The following DENND6B variants were observed in gnomAD, a reference collection of about 807,000 sequenced individuals.
DENND6B encodes protein DENND6B.
Under a neutral mutation model 85.1 loss-of-function variants are expected in DENND6B, and 73 were observed. The observed-to-expected ratio is 0.86, with a 90% CI of 0.71 to 1.04. DENND6B has a LOEUF of 1.04. DENND6B is among the 50% of genes least tolerant of loss of function. DENND6B has a pLI of 0.00. For missense variants in DENND6B, 715 were observed against 785.8 expected (o/e 0.91, Z 1.08); for synonymous variants, 357 against 329.3 (o/e 1.08, Z -0.91).
intron 8 of DENND6B, 90 bp downstream of exon 8, chr22:50,315,935 G>A (rs559972842): frequency 6.3e-7 from 1 of 1,595,414 alleles, no homozygotes; most frequent in African/African-American, 1.3e-5. Flanking sequence ...GGTGAACCAA[G>A]GAAGCAGGTG....
Position 50,319,271 on chromosome 22 carries a change from C to T in DENND6B, c.178-268G>A, listed in dbSNP as rs184612018. The T allele has an allele frequency of 8.8e-4, 864 of 985,366 alleles. 7 individuals carry two copies. In the African/African-American group the frequency reaches 0.014, roughly 16 times the overall value. 61.0% of individuals were successfully genotyped at this position (985,366 alleles called of 1,614,324 possible). On this transcript the variant is annotated intron_variant, in intron 1 of 19. Transcript: ENST00000413817. The stretch of plus-strand genomic sequence containing the variant: ...TGTGATGTCTGGCTCCTTGCTGACC[C>T]GCTCCTATCTCTGACCTCCAGGCAC...
At chr22:50,323,168 GT>G (rs377210807) in intron 1 of DENND6B, among the ~76,000 whole-genome samples, 2 of 148,152 alleles carry the variant, frequency 1.3e-5, no homozygotes, top group African/African-American at 5.0e-5. Context: ...CGCCCGGCTT[GT>G]TTTTTGTTTT....
At chr22:50,316,610 A>G in intron 5 of DENND6B, 135 bp from the exon 6 acceptor site, 1 of 1,538,156 alleles carries the variant, frequency 6.5e-7, no homozygotes, top group Non-Finnish European at 8.8e-7. Flanking sequence ...TTCACAGGAC[A>G]GCTGCCCCAG....
chr22:50,316,806 G>C, intron 5 of DENND6B: 1 of 1,234,452 alleles, frequency 8.1e-7, no homozygotes, highest in Non-Finnish European at 1.0e-6. Context: ...TCCAGGCTGG[G>C]TTGCCCTGAC....
intron 1 of DENND6B, among the ~76,000 whole-genome samples, chr22:50,323,503 C>A (rs1366356198): frequency 6.6e-6 from 1 of 151,830 alleles, no homozygotes; most frequent in Non-Finnish European, 1.5e-5. Flanking sequence ...CCAGGCTGGT[C>A]TCAAACTTCT....
Position 50,313,731 on chromosome 22 carries a change from G to T in DENND6B, c.1204-7C>A. On this transcript the variant is annotated splice_polypyrimidine_tract_variant and splice_region_variant and intron_variant, in intron 14 of 19. Transcript: ENST00000413817. ...GCCGCTTCTTCTGCACGCCCTGCAG[G>T]GGAGAGAGGGCCAGGCCCTTGCTGC... The T allele has an allele frequency of 6.2e-7, 1 of 1,604,330 alleles. No individual in the cohort carries two copies.
At position 50,314,806 on chromosome 22, in the gene DENND6B, A is replaced by C; in HGVS notation, c.874T>G (p.Leu292Val). Reference protein sequence around the residue: ...PDVSSEMVLALTSCLQPLRFC... With the variant: ...PDVSSEMVLAVTSCLQPLRFC... ...ACCGGGCCAAGGCGATACCTGGTCAAGGCCAGCACCATCTCCGAGGACACG... is the reference window on the plus strand; with the variant it reads ...ACCGGGCCAAGGCGATACCTGGTCACGGCCAGCACCATCTCCGAGGACACG... The change falls in exon 10 of 20, where the codon TTG becomes GTG. Residue 292 changes from leucine to valine, a missense_variant. Leu to Val is a conservative substitution (Grantham distance 32). Transcript: ENST00000413817. 1 of 1,607,058 alleles carries C rather than the reference A, an allele frequency of 6.2e-7. No individual in the cohort carries two copies. Among genetic ancestry groups the C allele is most frequent in the Non-Finnish European group, 8.5e-7 (1 of 1,177,332 alleles).
In DENND6B at chr22:50,313,619, C is replaced by T. The variant is rs1041664360; in HGVS notation, c.1293+16G>A. The T allele has an allele frequency of 2.4e-5, 38 of 1,554,420 alleles. No homozygotes were observed. The highest frequency in any genetic ancestry group is 3.0e-5 in the Non-Finnish European group (35 of 1,152,508). On this transcript the variant is annotated intron_variant, in intron 15 of 19. Coordinates refer to ENST00000413817, the MANE Select transcript of DENND6B (RefSeq NM_001001794.4). ...CCGTGCCCCCCAGTCCCATGTCCCC[C>T]AGCCCCGGGCCTCACCAGGGGGATG...
chr22:50,325,087 G>A (rs2042155255), intron 1 of DENND6B, among the ~76,000 whole-genome samples: 2 of 152,124 alleles, frequency 1.3e-5, no homozygotes, highest in African/African-American at 4.8e-5. Context: ...GGCCCCGGTG[G>A]ATCCACTGCC....
Position 50,315,157 on chromosome 22 carries a change from A to C in DENND6B, c.759-236T>G, listed in dbSNP as rs939482120. On this transcript the variant is annotated intron_variant, in intron 9 of 19. Transcript: ENST00000413817. ...GGAATGGGGGACTCAACCTGGACCCACCTGTGAGGGACCAGCCATCCCGAA... is the reference window on the plus strand; with the variant it reads ...GGAATGGGGGACTCAACCTGGACCCCCCTGTGAGGGACCAGCCATCCCGAA... 6.9e-6 allele frequency: 4 copies of C among 582,954 alleles called. No homozygotes were observed. In the Admixed American group the frequency reaches 9.8e-5, roughly 14 times the overall value. 36.1% of individuals were successfully genotyped at this position (582,954 alleles called of 1,614,324 possible).
intron 4 of DENND6B, among the ~76,000 whole-genome samples, chr22:50,317,690 A>G (rs182856416): frequency 1.3e-5 from 2 of 152,254 alleles, no homozygotes; most frequent in Admixed American, 6.5e-5. Context: ...TGTGGTGCCA[A>G]GGAAAAGTCC....
At chr22:50,316,742 T>C (rs2041833528) in intron 5 of DENND6B, 2 of 1,398,042 alleles carry the variant, frequency 1.4e-6, no homozygotes, top group South Asian at 2.4e-5. Context: ...GTGGCCAGAA[T>C]TTCTAGAACG....
chr22:50,317,460 G>A, intron 4 of DENND6B, 87 bp from the exon 5 acceptor site: 1 of 1,434,252 alleles, frequency 7.0e-7, no homozygotes, highest in South Asian at 1.2e-5. Flanking sequence ...AGCATGCAGG[G>A]ACTGCTGCAG....
intron 15 of DENND6B, 48 bp from the exon 16 acceptor site, chr22:50,313,547 G>GCCCCCCCCCC: frequency 7.0e-7 from 1 of 1,423,534 alleles, no homozygotes; most frequent in Non-Finnish European, 9.3e-7. Context: ...ATGCCCCCCA[G>GCCCCCCCCCC]CCCCATCCCC....
rs540800615 is a variant in DENND6B at position 50,314,388 on chromosome 22, C to A, written c.1072+12G>T. ...CTGAGCAGCACCCCCTGCACCTCAC[C>A]GGGAGCCTGACCTGACATCTTGGGC... On this transcript the variant is annotated intron_variant, in intron 12 of 19. Transcript: ENST00000413817. 6.4e-6 allele frequency: 10 copies of A among 1,563,242 alleles called. No individual in the cohort carries two copies. The East Asian group carries it at 2.4e-4, about 37-fold the overall frequency.
At chr22:50,326,786 C>T (rs751632759) in intron 1 of DENND6B, 26 bp downstream of exon 1, 82 of 1,364,858 alleles carry the variant, frequency 6.0e-5, no homozygotes, top group African/African-American at 3.1e-5. Flanking sequence ...GCCCACCCGC[C>T]CGCGCCCGCG....
In DENND6B at chr22:50,313,099, G is replaced by T. The variant is rs200103246; in HGVS notation, c.1357C>A (p.Gln453Lys). The change falls in exon 17 of 20, where the codon CAG (glutamine) becomes AAG (lysine). Residue 453 changes from glutamine to lysine, a missense_variant. Physicochemically the swap from Gln to Lys is moderately conservative, Grantham distance 53. Transcript: ENST00000413817. Reference protein sequence around the residue: ...KSITPWKTPPQIQPFSQDDFL... With the variant: ...KSITPWKTPPKIQPFSQDDFL... ...TCATCCTGGCTGAAGGGCTGGATCT[G>T]GGGGGGAGTCTGAGAGGGGATGGGT... 129 of 1,553,892 alleles carry T rather than the reference G, an allele frequency of 8.3e-5. No individual in the cohort carries two copies. The highest frequency in any genetic ancestry group is 2.1e-4 in the Admixed American group (11 of 51,444).
chr22:50,322,353 C>T (rs752905463), intron 1 of DENND6B, among the ~76,000 whole-genome samples: 2 of 152,126 alleles, frequency 1.3e-5, no homozygotes, highest in African/African-American at 4.8e-5. Context: ...GGATTACAGG[C>T]GTGAGCCACC....
chr22:50,317,757 C>T, intron 4 of DENND6B, 151 bp downstream of exon 4: 1 of 768,678 alleles, frequency 1.3e-6, no homozygotes, highest in South Asian at 1.9e-5. Context: ...GGGCTGGTGC[C>T]TGGGACTGCA....
Sources: allele counts gnomAD v4.1 joint callset (sites outside exome capture counted in the v4.1 genomes callset), GRCh38; gene constraint gnomAD v4.1.1; transcripts MANE v1.5; gene names NCBI Gene and HGNC (gene_info 2026-07-23, HGNC 2026-07-21).